Variants in SUGCT observed in about 807,000 individuals in gnomAD.
SUGCT encodes the protein succinyl-CoA:glutarate-CoA transferase, also known as succinyl-CoA:glutarate CoA-transferase.
Under a neutral mutation model 55.0 loss-of-function variants are expected in SUGCT, and 41 were observed. The ratio of observed to expected loss-of-function variants is 0.74; its 90% CI spans 0.58 to 0.97. The LOEUF is 0.97. Among genes scored for constraint, SUGCT ranks in the 50% least tolerant of loss-of-function variants. The pLI is 0.00. For synonymous variants in SUGCT, 187 were observed against 200.4 expected, an observed-to-expected ratio of 0.93 and a Z score of 0.56; for missense variants, 568 against 547.8, an observed-to-expected ratio of 1.04 and a Z score of -0.37.
At chr7:40,955,226 A>G in the SUGCT span, among the ~76,000 whole-genome samples, 8 of 152,288 alleles carry the variant, frequency 5.3e-5, no homozygotes, top group African/African-American at 1.9e-4. Context: ...AATTACTTTA[A>G]GCAGTATGGC....
chr7:40,457,734 C>T (rs533872605), intron 10 of SUGCT, among the ~76,000 whole-genome samples: 1 of 152,314 alleles, frequency 6.6e-6, no homozygotes, highest in Admixed American at 6.5e-5. Flanking sequence ...ATACAGAGGA[C>T]ACATGGGCAT....
intron 13 of SUGCT, among the ~76,000 whole-genome samples, chr7:40,848,712 A>G (rs977813012): frequency 1.3e-5 from 2 of 152,200 alleles, no homozygotes; most frequent in South Asian, 2.1e-4. Flanking sequence ...TTGGTGGTAC[A>G]TACCACAGGA....
the SUGCT span, among the ~76,000 whole-genome samples, chr7:40,981,252 C>A: frequency 6.6e-6 from 1 of 152,102 alleles, no homozygotes; most frequent in African/African-American, 2.4e-5. Context: ...TCCTTTTTTC[C>A]TTTTCTTGAA....
chr7:40,359,900 A>G (rs1467579942), intron 9 of SUGCT, among the ~76,000 whole-genome samples: 1 of 152,262 alleles, frequency 6.6e-6, no homozygotes, highest in Admixed American at 6.5e-5. Flanking sequence ...TTGTCTCTGC[A>G]TAATACAAGC....
chr7:40,211,674 A>C (rs905326183), intron 6 of SUGCT, among the ~76,000 whole-genome samples: 4 of 152,226 alleles, frequency 2.6e-5, no homozygotes, highest in Non-Finnish European at 4.4e-5. Context: ...CACATCTCAG[A>C]TGAAGATGGT....
intron 1 of SUGCT, among the ~76,000 whole-genome samples, chr7:40,161,372 A>C (rs920703458): frequency 6.6e-6 from 1 of 151,924 alleles, no homozygotes; most frequent in Non-Finnish European, 1.5e-5. Flanking sequence ...CTCTCTCTAT[A>C]TTTTTTTGTG....
At chr7:40,899,820 C>T in the SUGCT span, among the ~76,000 whole-genome samples, 1 of 152,150 alleles carries the variant, frequency 6.6e-6, no homozygotes, top group Non-Finnish European at 1.5e-5. Context: ...GCTGGAGAGG[C>T]CAGGAAATTG....
At chr7:40,888,637 G>T in the SUGCT span, among the ~76,000 whole-genome samples, 1 of 152,186 alleles carries the variant, frequency 6.6e-6, no homozygotes, top group Non-Finnish European at 1.5e-5. Context: ...ATAAGGCAAG[G>T]TGCACTTTGG....
chr7:40,240,987 G>C (rs1025091841), intron 7 of SUGCT, among the ~76,000 whole-genome samples: 1 of 152,228 alleles, frequency 6.6e-6, no homozygotes, highest in Non-Finnish European at 1.5e-5. Context: ...AAGAAGGGCA[G>C]TGTCACTGGA....
intron 12 of SUGCT, among the ~76,000 whole-genome samples, chr7:40,548,205 T>TG (rs1390390142): frequency 6.7e-6 from 1 of 149,210 alleles, no homozygotes; most frequent in African/African-American, 2.5e-5. Flanking sequence ...TTTTTTTTTT[T>TG]TGTGATTAGG....
chr7:40,819,795 G>T (rs917615797), intron 13 of SUGCT, among the ~76,000 whole-genome samples: 2 of 152,292 alleles, frequency 1.3e-5, no homozygotes, highest in Non-Finnish European at 2.9e-5. Flanking sequence ...GGCTTTTGTT[G>T]CTGTTGCTTT....
chr7:40,493,613 A>G (rs1033846883), intron 11 of SUGCT, among the ~76,000 whole-genome samples: 3 of 152,184 alleles, frequency 2.0e-5, no homozygotes, highest in Non-Finnish European at 2.9e-5. Flanking sequence ...TGATTTAGTA[A>G]GTTGCCAATT....
At chr7:40,180,908 C>A (rs2036041) in intron 1 of SUGCT, 39 bp from the exon 2 acceptor site, 8 of 1,437,220 alleles carry the variant, frequency 5.6e-6, no homozygotes, top group Non-Finnish European at 6.8e-6. Context: ...AAGAAAATTA[C>A]TAATGAATTA....
chr7:40,247,388 T>G (rs1405393940), intron 7 of SUGCT, among the ~76,000 whole-genome samples: 1 of 152,148 alleles, frequency 6.6e-6, no homozygotes, highest in Non-Finnish European at 1.5e-5. Context: ...CCTGAGTAGC[T>G]GGGATCACAG....
intron 6 of SUGCT, among the ~76,000 whole-genome samples, chr7:40,200,105 G>T (rs935882723): frequency 3.3e-5 from 5 of 152,120 alleles, no homozygotes; most frequent in Admixed American, 6.6e-5. Context: ...TATGATTTAA[G>T]TGAGAATAAA....
At chr7:40,180,388 G>T (rs960474790) in intron 1 of SUGCT, among the ~76,000 whole-genome samples, 1 of 152,040 alleles carries the variant, frequency 6.6e-6, no homozygotes, top group Non-Finnish European at 1.5e-5. Context: ...AAAGTGGTGG[G>T]ATTACAGGCG....
intron 1 of SUGCT, chr7:40,153,425 T>C (rs1243834305): frequency 2.7e-6 from 1 of 371,640 alleles, no homozygotes; most frequent in African/African-American, 2.1e-5. Flanking sequence ...ATGTTGCGAT[T>C]CTTTTGAATA....
the SUGCT span, among the ~76,000 whole-genome samples, chr7:40,942,102 G>GTTGA: frequency 6.6e-6 from 1 of 152,012 alleles, no homozygotes; most frequent in Non-Finnish European, 1.5e-5. Flanking sequence ...CAGTCATCAT[G>GTTGA]TTGATTGTTA....
intron 4 of SUGCT, 136 bp from the exon 5 acceptor site, chr7:40,189,408 T>TTTTTTTTTTC (rs1785753892): frequency 1.0e-5 from 2 of 196,908 alleles, no homozygotes; most frequent in African/African-American, 4.8e-5. Context: ...CTTTTTTTTT[T>TTTTTTTTTTC]TTTTACTTTT....
Sources: allele counts gnomAD v4.1 joint callset (sites outside exome capture counted in the v4.1 genomes callset), GRCh38; gene constraint gnomAD v4.1.1; transcripts MANE v1.5; gene names NCBI Gene and HGNC (gene_info 2026-07-23, HGNC 2026-07-21).